Variants in TP63 observed in about 807,000 individuals in gnomAD.
TP63 encodes the protein tumor protein 63.
TP63 carries 17 observed loss-of-function variants against 82.8 expected under a neutral mutation model. The observed-to-expected ratio is 0.21, with a 90% CI of 0.14 to 0.31. TP63 has a LOEUF of 0.31. Among genes scored for constraint, TP63 ranks in the 10% least tolerant of loss-of-function variants. The probability of loss-of-function intolerance (pLI) is 1.00; values close to 1 mark genes in which losing one functional copy is unlikely to be tolerated. For synonymous variants in TP63, 330 were observed against 321.7 expected, an observed-to-expected ratio of 1.03 and a Z score of -0.28; for missense variants, 648 against 895.3, an observed-to-expected ratio of 0.72 and a Z score of 3.52.
intron 1 of TP63, chr3:189,645,316 C>T (rs940110530): frequency 3.9e-6 from 2 of 508,242 alleles, no homozygotes; most frequent in African/African-American, 3.8e-5. Context: ...TCTTTGGTTC[C>T]TTTTCCACTT....
At chr3:189,740,271 T>C (rs1035480023) in intron 3 of TP63, among the ~76,000 whole-genome samples, 1 of 152,224 alleles carries the variant, frequency 6.6e-6, no homozygotes, top group African/African-American at 2.4e-5. Context: ...GTGTAAACTC[T>C]GATTTGACAG....
rs559428562 is a variant in TP63 at position 189,733,039 on chromosome 3, G to C, written c.63-4701G>C. Among the ~76,000 whole-genome samples, 563 of 152,256 alleles carry C rather than the reference G, an allele frequency of 3.7e-3. 2 individuals carry two copies. The highest frequency in any genetic ancestry group is 6.1e-3 in the Non-Finnish European group (412 of 68,012). ...GAGATCCTGGTCTCCATGCTGTCAC[G>C]TGCAAGGAAGCTGAAGTTTGAGGAG... On this transcript the variant is annotated intron_variant, in intron 1 of 13. Coordinates refer to ENST00000264731, the MANE Select transcript of TP63 (RefSeq NM_003722.5).
At chr3:189,597,931 A>G in the TP63 span, among the ~76,000 whole-genome samples, 4 of 149,230 alleles carry the variant, frequency 2.7e-5, no homozygotes, top group Admixed American at 2.7e-4. Flanking sequence ...CCTGCCTCAA[A>G]AAAAAAAAAA....
At chr3:189,624,100 T>G in the TP63 span, among the ~76,000 whole-genome samples, 1 of 152,200 alleles carries the variant, frequency 6.6e-6, no homozygotes, top group Non-Finnish European at 1.5e-5. Context: ...TGAGTATTAA[T>G]TTCCTCATAT....
chr3:189,891,976 C>T (rs927654757), intron 13 of TP63, among the ~76,000 whole-genome samples: 2 of 152,154 alleles, frequency 1.3e-5, no homozygotes, highest in Non-Finnish European at 2.9e-5. Flanking sequence ...GTGACGTGTA[C>T]ATAGTGTACT....
At chr3:189,753,116 C>T (rs1222086085) in intron 3 of TP63, among the ~76,000 whole-genome samples, 1 of 151,958 alleles carries the variant, frequency 6.6e-6, no homozygotes, top group Non-Finnish European at 1.5e-5. Context: ...GTTTAATGAG[C>T]TTCTGTTGGG....
chr3:189,783,634 A>G (rs984674360), intron 3 of TP63, among the ~76,000 whole-genome samples: 1 of 151,784 alleles, frequency 6.6e-6, no homozygotes, highest in Non-Finnish European at 1.5e-5. Context: ...TGAAGACACT[A>G]CTCCCTCAAC....
At chr3:189,751,109 T>G (rs189758097) in intron 3 of TP63, among the ~76,000 whole-genome samples, 164 of 152,266 alleles carry the variant, frequency 1.1e-3, no homozygotes, top group African/African-American at 3.7e-3. Flanking sequence ...TGAGAATGAT[T>G]GTTTCCAGCT....
the TP63 span, among the ~76,000 whole-genome samples, chr3:189,598,224 T>C: frequency 6.8e-6 from 1 of 147,676 alleles, no homozygotes; most frequent in Non-Finnish European, 1.5e-5. Context: ...CTAGCATGCA[T>C]ATAATTGGAG....
At chr3:189,869,613 G>C (rs1352612618) in intron 9 of TP63, among the ~76,000 whole-genome samples, 1 of 152,058 alleles carries the variant, frequency 6.6e-6, no homozygotes, top group African/African-American at 2.4e-5. Context: ...AGATCAAGGT[G>C]CCCCTATGGT....
At chr3:189,682,424 C>A (rs1577231426) in intron 1 of TP63, among the ~76,000 whole-genome samples, 1 of 147,810 alleles carries the variant, frequency 6.8e-6, no homozygotes, top group Admixed American at 6.7e-5. Context: ...TACACTGCTA[C>A]CTTAAAAGTG....
intron 1 of TP63, among the ~76,000 whole-genome samples, chr3:189,704,430 A>G (rs1577271767): frequency 6.6e-6 from 1 of 152,206 alleles, no homozygotes; most frequent in African/African-American, 2.4e-5. Context: ...ATATCTACCT[A>G]TTGTTCAGAT....
At chr3:189,758,148 T>C (rs4261858) in intron 3 of TP63, among the ~76,000 whole-genome samples, 54,605 of 151,966 alleles carry the variant, frequency 0.36, 10,411 homozygotes, top group East Asian at 0.7. Context: ...GATCATCAGG[T>C]ATTAGTTAGA....
chr3:189,597,279 A>G, the TP63 span, among the ~76,000 whole-genome samples: 1 of 152,194 alleles, frequency 6.6e-6, no homozygotes, highest in Non-Finnish European at 1.5e-5. Context: ...GAAGATAAAA[A>G]TCTAAAGGAC....
chr3:189,697,912 A>G (rs1041927708), intron 1 of TP63, among the ~76,000 whole-genome samples: 9 of 151,924 alleles, frequency 5.9e-5, no homozygotes, highest in African/African-American at 2.2e-4. Flanking sequence ...ATAGTTGCTT[A>G]TTAGTTTCAA....
At chr3:189,670,603 A>G (rs1170198489) in intron 1 of TP63, among the ~76,000 whole-genome samples, 1 of 152,092 alleles carries the variant, frequency 6.6e-6, no homozygotes, top group Admixed American at 6.6e-5. Context: ...CAGAAATAAA[A>G]ACAGGACACA....
intron 10 of TP63, among the ~76,000 whole-genome samples, chr3:189,883,565 G>T (rs1200045379): frequency 6.6e-6 from 1 of 152,192 alleles, no homozygotes; most frequent in African/African-American, 2.4e-5. Flanking sequence ...AACAGTGAAA[G>T]AAGCTAAGAA....
intron 3 of TP63, among the ~76,000 whole-genome samples, chr3:189,802,185 T>G (rs557166531): frequency 2.6e-5 from 4 of 152,144 alleles, no homozygotes; most frequent in Admixed American, 1.3e-4. Flanking sequence ...TATTTGGGGA[T>G]GGAAATGTAG....
At position 189,894,820 on chromosome 3, in the gene TP63, T is replaced by C. The variant is rs1482047092; in HGVS notation, c.*318T>C. On this transcript the variant is annotated 3_prime_UTR_variant, in exon 14 of 14. Coordinates refer to ENST00000264731, the MANE Select transcript of TP63 (RefSeq NM_003722.5). ...CTTTTATAAAGCATGTTCACCCTTA[T>C]AGTCTAAGACTATATATATAAATGT... 6 of 394,446 alleles carry C rather than the reference T, an allele frequency of 1.5e-5. No homozygotes were observed. Among genetic ancestry groups the C allele is most frequent in the Non-Finnish European group, 2.8e-5 (6 of 212,656 alleles). 24.4% of individuals were successfully genotyped at this position (394,446 alleles called of 1,614,324 possible). A position where few individuals can be genotyped will look rare whatever the true frequency, so the allele number is the denominator to read the frequency against.
Sources: gnomAD v4.1 joint callset for allele counts (sites outside exome capture counted in the v4.1 genomes callset) on GRCh38, gnomAD v4.1.1 for gene constraint, MANE v1.5 for transcripts, NCBI Gene and HGNC (gene_info 2026-07-23, HGNC 2026-07-21) for gene names.